The following SCARA3 variants were observed in gnomAD, a reference collection of about 807,000 sequenced individuals.
SCARA3 encodes the protein cellular stress response gene protein.
Under a neutral mutation model 47.0 loss-of-function variants are expected in SCARA3, and 39 were observed. That is an observed-to-expected ratio of 0.83 (90% CI 0.64 to 1.08). The LOEUF (loss-of-function observed/expected upper bound fraction) is 1.08. Ranked by LOEUF, SCARA3 falls within the 50% of genes least tolerant of loss-of-function variation. The probability of loss-of-function intolerance (pLI) is 0.00; values close to 1 mark genes in which losing one functional copy is unlikely to be tolerated. For missense variants in SCARA3, 724 were observed against 792.3 expected, an observed-to-expected ratio of 0.91 and a Z score of 1.04; for synonymous variants, 356 against 334.1, an observed-to-expected ratio of 1.07 and a Z score of -0.71.
At chr8:27,714,534 G>A in the SCARA3 span, among the ~76,000 whole-genome samples, 1 of 152,118 alleles carries the variant, frequency 6.6e-6, no homozygotes, top group South Asian at 2.1e-4. Context: ...GCCTAACACA[G>A]GATGCTAGCT....
chr8:27,713,894 G>A, the SCARA3 span, among the ~76,000 whole-genome samples: 2 of 152,168 alleles, frequency 1.3e-5, no homozygotes, highest in Non-Finnish European at 2.9e-5. Flanking sequence ...GTAGGGCCTG[G>A]TGGGAGCTGT....
chr8:27,696,616 ATTTT>A, the SCARA3 span, among the ~76,000 whole-genome samples: 1 of 134,204 alleles, frequency 7.5e-6, no homozygotes, highest in Non-Finnish European at 1.6e-5. Flanking sequence ...CACCTGGCTA[ATTTT>A]TTTTTTTTTT....
At position 27,659,247 on chromosome 8, in the gene SCARA3, C is replaced by T. The variant is rs767786892; in HGVS notation, c.1077C>T (p.Thr359=). The part of the protein sequence containing the change: ...RMASHEIEIG[T]IFTNINATDN... ...CTTCTCACGAGATTGAAATTGGCAC[C>T]ATCTTCACCAACATCAATGCCACCG... is the stretch of plus-strand genomic sequence containing the variant. Residue 359 remains threonine (T), a synonymous_variant, in exon 5 of 6, where the codon ACC becomes ACT. Coordinates refer to ENST00000301904, the MANE Select transcript of SCARA3 (RefSeq NM_016240.3). 3 of 1,614,166 alleles carry T rather than the reference C, an allele frequency of 1.9e-6. No individual in the cohort carries two copies. The highest frequency in any genetic ancestry group is 2.5e-6 in the Non-Finnish European group (3 of 1,180,026).
chr8:27,646,768 A>G lies in SCARA3; in HGVS notation c.8-2934A>G, dbSNP rs375795772. ...GGAATTCCCCTGCCTTGCCCCAGCC[A>G]TTCATTTATGGGAAAGAGATCATAA... On this transcript the variant is annotated intron_variant, in intron 1 of 5. Coordinates refer to ENST00000301904, the MANE Select transcript of SCARA3 (RefSeq NM_016240.3). 2.1e-4 allele frequency among the ~76,000 whole-genome samples: 32 copies of G among 152,290 alleles called. 1 individual carries two copies. The East Asian group carries it at 4.2e-3, about 20-fold the overall frequency.
At position 27,671,245 on chromosome 8, in the gene SCARA3, C is replaced by G; in HGVS notation, c.1715C>G (p.Ser572Ter). 1 of 1,497,414 alleles carries G rather than the reference C, an allele frequency of 6.7e-7. No homozygotes were observed. Among genetic ancestry groups the G allele is most frequent in the Non-Finnish European group, 8.9e-7 (1 of 1,127,802 alleles). The allele number at this position is 1,497,414 out of a possible 1,614,324, so 92.8% of individuals were successfully genotyped here. The stretch of plus-strand genomic sequence containing the variant: ...CCGGGAATTGCAGGGAAGACAGGGT[C>G]ACCAGGCCAGCGGGGGGCCATGGGG... ...GKPGIAGKTG[S>*]PGQRGAMGPK... is the part of the protein sequence containing the mutation. The change falls in exon 6 of 6, where the codon TCA becomes TGA. Residue 572 changes from serine (S) to a stop codon, truncating the protein, a stop_gained. Coordinates refer to ENST00000301904, the MANE Select transcript of SCARA3 (RefSeq NM_016240.3). LOFTEE classifies it high-confidence loss of function.
the SCARA3 span, among the ~76,000 whole-genome samples, chr8:27,707,358 T>C: frequency 6.6e-6 from 1 of 152,142 alleles, no homozygotes; most frequent in Non-Finnish European, 1.5e-5. Context: ...AGTTTCTCAT[T>C]CTTAAGTATG....
At chr8:27,655,856 C>T (rs559943502) in intron 3 of SCARA3, among the ~76,000 whole-genome samples, 35 of 152,192 alleles carry the variant, frequency 2.3e-4, no homozygotes, top group Admixed American at 3.9e-4. Context: ...GAAAAATGTC[C>T]GTGACATGAT....
chr8:27,662,867 G>A (rs1247086806), intron 5 of SCARA3, among the ~76,000 whole-genome samples: 1 of 152,234 alleles, frequency 6.6e-6, no homozygotes, highest in East Asian at 1.9e-4. Context: ...AGTGGTGGCT[G>A]GAGAAAGAGG....
chr8:27,646,966 G>GC (rs869278331), intron 1 of SCARA3, among the ~76,000 whole-genome samples: 44 of 29,852 alleles, frequency 1.5e-3, no homozygotes, highest in South Asian at 8.3e-3. Context: ...ACCCCTGACC[G>GC]CCCCCGCCCC....
At chr8:27,689,738 C>T in the SCARA3 span, among the ~76,000 whole-genome samples, 2 of 152,140 alleles carry the variant, frequency 1.3e-5, no homozygotes, top group African/African-American at 4.8e-5. Context: ...CTCAGCTATG[C>T]TTAGGCTGGG....
At position 27,658,392 on chromosome 8, in the gene SCARA3, GA is replaced by G. The variant is rs1161563294; in HGVS notation, c.326-102del. On this transcript the variant is annotated intron_variant, in intron 4 of 5. Transcript: ENST00000301904. ...GACTTCTGGAAGGAAGTTGGTTTGG[GA>G]AGCTACTAACCAATTTCTTATGCTC... The G allele has an allele frequency of 2.7e-6, 3 of 1,101,192 alleles. No homozygotes were observed. The East Asian group carries it at 7.5e-5, about 27-fold the overall frequency. The allele number at this position is 1,101,192 out of a possible 1,614,324, so 68.2% of individuals were successfully genotyped here.
chr8:27,642,091 G>A (rs967262128), intron 1 of SCARA3, among the ~76,000 whole-genome samples: 1 of 152,190 alleles, frequency 6.6e-6, no homozygotes, highest in Non-Finnish European at 1.5e-5. Context: ...CTTACTATGT[G>A]AATGTGAATC....
At chr8:27,659,835 G>A (rs1204004330) in intron 5 of SCARA3, among the ~76,000 whole-genome samples, 1 of 98,368 alleles carries the variant, frequency 1.0e-5, no homozygotes, top group East Asian at 3.5e-4. Flanking sequence ...GGGAGACAGA[G>A]TAAGTCCTTA....
intron 1 of SCARA3, among the ~76,000 whole-genome samples, chr8:27,634,891 C>A (rs191519004): frequency 6.6e-6 from 1 of 152,294 alleles, no homozygotes; most frequent in East Asian, 1.9e-4. Flanking sequence ...ATTTCCAGGG[C>A]CTGGGTGTCT....
chr8:27,711,804 G>T, the SCARA3 span, among the ~76,000 whole-genome samples: 27 of 152,168 alleles, frequency 1.8e-4, no homozygotes, highest in African/African-American at 6.3e-4. Context: ...GGAAAGTACA[G>T]AGTTCCCATA....
the SCARA3 span, among the ~76,000 whole-genome samples, chr8:27,689,968 A>G: frequency 6.6e-6 from 1 of 152,196 alleles, no homozygotes; most frequent in Non-Finnish European, 1.5e-5. Flanking sequence ...TACCAAAATA[A>G]ATAAATACAA....
chr8:27,677,314 C>T (rs1585303927), downstream of SCARA3, among the ~76,000 whole-genome samples: 1 of 152,138 alleles, frequency 6.6e-6, no homozygotes, highest in Non-Finnish European at 1.5e-5. Flanking sequence ...TTTGCGGCTG[C>T]CAAGGCAGCT....
the SCARA3 span, among the ~76,000 whole-genome samples, chr8:27,726,884 C>T: frequency 2.0e-5 from 3 of 151,924 alleles, no homozygotes; most frequent in East Asian, 5.9e-4. Flanking sequence ...CTCCCAGGTT[C>T]AAGCAATTCT....
intron 5 of SCARA3, among the ~76,000 whole-genome samples, chr8:27,670,055 A>G (rs190671091): frequency 1.3e-5 from 2 of 152,266 alleles, no homozygotes; most frequent in East Asian, 3.9e-4. Flanking sequence ...TCGGCACTAG[A>G]CAGGGCTCCT....
Sources: gnomAD v4.1 joint callset for allele counts (sites outside exome capture counted in the v4.1 genomes callset) on GRCh38, gnomAD v4.1.1 for gene constraint, MANE v1.5 for transcripts, NCBI Gene and HGNC (gene_info 2026-07-23, HGNC 2026-07-21) for gene names.